The following MYO1D variants were observed in gnomAD, a reference collection of about 807,000 sequenced individuals.
The protein encoded by MYO1D is unconventional myosin-Id.
In MYO1D, 83 loss-of-function variants were observed where a neutral mutation model predicts 122.0. The ratio of observed to expected loss-of-function variants is 0.68; its 90% CI spans 0.57 to 0.82. The LOEUF is 0.82. MYO1D is among the 40% of genes least tolerant of loss of function. The pLI, the probability that MYO1D is intolerant of heterozygous loss-of-function variation, is 0.00. For synonymous variants in MYO1D, 464 were observed against 446.9 expected (o/e 1.04, Z -0.48); for missense variants, 1,157 against 1,269.5 (o/e 0.91, Z 1.35).
intron 20 of MYO1D, 130 bp downstream of exon 20, chr17:32,638,592 A>G: frequency 3.6e-6 from 2 of 562,174 alleles, no homozygotes; most frequent in Non-Finnish European, 6.4e-6. Context: ...AACATATGAC[A>G]CATAAAATTT....
chr17:32,538,945 G>T (rs888274595), intron 21 of MYO1D, among the ~76,000 whole-genome samples: 1 of 151,968 alleles, frequency 6.6e-6, no homozygotes. Context: ...ACAAGAGGCC[G>T]GTTGTGGGTG....
At chr17:32,649,403 T>C (rs1034542608) in intron 19 of MYO1D, among the ~76,000 whole-genome samples, 1 of 152,206 alleles carries the variant, frequency 6.6e-6, no homozygotes, top group Admixed American at 6.5e-5. Flanking sequence ...TTTCTGTCTC[T>C]ATGAATCAGA....
Position 32,644,228 on chromosome 17 carries a change from G to A in MYO1D, c.2596-5393C>T, listed in dbSNP as rs184941009. On this transcript the variant is annotated intron_variant, in intron 19 of 21. Coordinates refer to ENST00000318217, the MANE Select transcript of MYO1D (RefSeq NM_015194.3). ...AGTTTCCATGTAGTTGAGCAGTTTT[G>A]AGTGAGTTTCTTAATCCTGCATTCT... Among the ~76,000 whole-genome samples the A allele has an allele frequency of 8.5e-5, 13 of 152,272 alleles. No individual in the cohort carries two copies. The East Asian group carries it at 2.5e-3, about 29-fold the overall frequency.
In MYO1D at chr17:32,736,110, C is replaced by T. The variant is rs2089698195; in HGVS notation, c.1746+2143G>A. ...CTAGAACCTCTCAGTCTGGCTTTACCTTCTTGCCTTCTATTGTACTGATAA... is the reference window on the plus strand; with the variant it reads ...CTAGAACCTCTCAGTCTGGCTTTACTTTCTTGCCTTCTATTGTACTGATAA... On this transcript the variant is annotated intron_variant, in intron 14 of 21. Coordinates refer to ENST00000318217, the MANE Select transcript of MYO1D (RefSeq NM_015194.3). 2.0e-5 allele frequency among the ~76,000 whole-genome samples: 3 copies of T among 150,248 alleles called. No homozygotes were observed. The South Asian group carries it at 6.3e-4, about 32-fold the overall frequency.
At chr17:32,606,688 A>G (rs781665784) in intron 20 of MYO1D, among the ~76,000 whole-genome samples, 2 of 152,242 alleles carry the variant, frequency 1.3e-5, no homozygotes, top group Non-Finnish European at 2.9e-5. Context: ...CCAGGATTAT[A>G]AGGGAACTTA....
chr17:32,510,049 T>C (rs1039891834), intron 21 of MYO1D: 3 of 152,216 alleles, frequency 2.0e-5, no homozygotes, highest in Admixed American at 6.5e-5. Flanking sequence ...AAGCTGTCAT[T>C]ATGGGGCACT....
intron 13 of MYO1D, among the ~76,000 whole-genome samples, chr17:32,744,445 C>G (rs1052911985): frequency 6.6e-6 from 1 of 152,160 alleles, no homozygotes; most frequent in Admixed American, 6.5e-5. Context: ...TAACTGTCAC[C>G]TTTACTAGAC....
At chr17:32,602,881 C>T (rs1433088426) in intron 21 of MYO1D, among the ~76,000 whole-genome samples, 1 of 152,042 alleles carries the variant, frequency 6.6e-6, no homozygotes, top group Non-Finnish European at 1.5e-5. Flanking sequence ...GGCAATGATA[C>T]GATAGTTGAC....
At chr17:32,519,752 T>C (rs1418973287) in intron 21 of MYO1D, among the ~76,000 whole-genome samples, 1 of 152,036 alleles carries the variant, frequency 6.6e-6, no homozygotes, top group Non-Finnish European at 1.5e-5. Context: ...TGCTGGCATA[T>C]TGATGAGCTC....
intron 16 of MYO1D, among the ~76,000 whole-genome samples, chr17:32,677,127 A>T (rs1333735827): frequency 6.6e-6 from 1 of 152,080 alleles, no homozygotes; most frequent in African/African-American, 2.4e-5. Context: ...TTAAATTTTT[A>T]CGCAGGAATA....
intron 19 of MYO1D, among the ~76,000 whole-genome samples, chr17:32,652,616 G>C (rs1051844417): frequency 9.2e-5 from 14 of 151,646 alleles, no homozygotes; most frequent in African/African-American, 2.9e-4. Context: ...TTCTAAACAA[G>C]TATTTTAAGG....
chr17:32,635,525 A>G (rs950054326), intron 20 of MYO1D, among the ~76,000 whole-genome samples: 1 of 152,108 alleles, frequency 6.6e-6, no homozygotes, highest in African/African-American at 2.4e-5. Context: ...CCCCATCTCT[A>G]CTAAAAATAC....
chr17:32,840,615 T>G (rs2090871225), intron 1 of MYO1D, among the ~76,000 whole-genome samples: 1 of 152,254 alleles, frequency 6.6e-6, no homozygotes, highest in African/African-American at 2.4e-5. Context: ...CTCTCGTCTT[T>G]CTTTCCCCTC....
intron 21 of MYO1D, among the ~76,000 whole-genome samples, chr17:32,598,876 A>C (rs972698017): frequency 2.6e-5 from 4 of 152,348 alleles, no homozygotes; most frequent in South Asian, 4.1e-4. Flanking sequence ...CCTTTAATTA[A>C]GCGGATATTA....
chr17:32,550,809 A>T (rs2087007669), intron 21 of MYO1D, among the ~76,000 whole-genome samples: 1 of 152,070 alleles, frequency 6.6e-6, no homozygotes, highest in South Asian at 2.1e-4. Context: ...CAGCCTGGGT[A>T]ATGTAGTGAG....
At chr17:32,802,582 A>G (rs923770822) in intron 1 of MYO1D, among the ~76,000 whole-genome samples, 211 of 152,338 alleles carry the variant, frequency 1.4e-3, no homozygotes, top group African/African-American at 4.9e-3. Flanking sequence ...AGTTAGTTTG[A>G]CTTTTAAAAA....
intron 16 of MYO1D, among the ~76,000 whole-genome samples, chr17:32,679,631 G>C (rs1172976606): frequency 6.6e-6 from 1 of 152,086 alleles, no homozygotes; most frequent in Non-Finnish European, 1.5e-5. Context: ...CTCTGTTTTG[G>C]TACCAGTACC....
intron 19 of MYO1D, among the ~76,000 whole-genome samples, chr17:32,645,602 CTTTT>C: frequency 2.0e-5 from 3 of 152,180 alleles, no homozygotes; most frequent in Middle Eastern, 6.8e-3. Flanking sequence ...TTGTGCGTTT[CTTTT>C]TATTTTTTTT....
chr17:32,513,093 C>G (rs931330252), intron 21 of MYO1D: 1 of 152,252 alleles, frequency 6.6e-6, no homozygotes, highest in African/African-American at 2.4e-5. Flanking sequence ...CAAAGGTAAG[C>G]TCCATGGGAA....
Sources: allele counts gnomAD v4.1 joint callset (sites outside exome capture counted in the v4.1 genomes callset), GRCh38; gene constraint gnomAD v4.1.1; transcripts MANE v1.5; gene names NCBI Gene and HGNC (gene_info 2026-07-23, HGNC 2026-07-21).